JARID2: variants seen among roughly 807,000 people sequenced by gnomAD.
The protein encoded by JARID2 is protein Jumonji.
In JARID2, 21 loss-of-function variants were observed where a neutral mutation model predicts 125.6. The observed-to-expected ratio is 0.17, with a 90% CI of 0.12 to 0.24. The LOEUF (loss-of-function observed/expected upper bound fraction) is 0.24. JARID2 is among the 10% of genes least tolerant of loss of function. The pLI, the probability that JARID2 is intolerant of heterozygous loss-of-function variation, is 1.00. For synonymous variants in JARID2, 736 were observed against 661.6 expected, an observed-to-expected ratio of 1.11 and a Z score of -1.73; for missense variants, 1,303 against 1,639.6, an observed-to-expected ratio of 0.79 and a Z score of 3.55.
At chr6:15,449,950 G>A (rs1767845025) in intron 3 of JARID2, among the ~76,000 whole-genome samples, 1 of 152,080 alleles carries the variant, frequency 6.6e-6, no homozygotes, top group South Asian at 2.1e-4. Context: ...GGAGTGTGGA[G>A]GATTTATGAG....
intron 12 of JARID2, chr6:15,509,140 G>A (rs751926983): frequency 3.9e-5 from 50 of 1,287,572 alleles, no homozygotes; most frequent in Non-Finnish European, 4.3e-5. Flanking sequence ...AGCCATCCCT[G>A]ATTGAGGCTG....
At chr6:15,397,639 G>A (rs1765267425) in intron 2 of JARID2, among the ~76,000 whole-genome samples, 1 of 152,168 alleles carries the variant, frequency 6.6e-6, no homozygotes, top group Admixed American at 6.5e-5. Context: ...TCTCTCTTGT[G>A]ACATGTTATA....
At chr6:15,442,577 G>C (rs1251173722) in intron 3 of JARID2, among the ~76,000 whole-genome samples, 2 of 152,196 alleles carry the variant, frequency 1.3e-5, no homozygotes, top group Non-Finnish European at 2.9e-5. Context: ...CTTCCCTCCT[G>C]GGCTTGGAGT....
chr6:15,486,824 T>TTTTTTTTTA (rs1769890864), intron 5 of JARID2, among the ~76,000 whole-genome samples: 1 of 148,178 alleles, frequency 6.7e-6, no homozygotes, highest in African/African-American at 2.5e-5. Context: ...TTTTTTTTTT[T>TTTTTTTTTA]GAGACAGAGT....
chr6:15,364,393 T>G (rs190231172), intron 1 of JARID2, among the ~76,000 whole-genome samples: 4 of 152,308 alleles, frequency 2.6e-5, no homozygotes, highest in Admixed American at 2.6e-4. Flanking sequence ...GGCTTTATTT[T>G]GTAGTGATTT....
At chr6:15,280,640 T>C (rs2127374520) in intron 1 of JARID2, among the ~76,000 whole-genome samples, 1 of 151,852 alleles carries the variant, frequency 6.6e-6, no homozygotes, top group African/African-American at 2.4e-5. Context: ...TTTTTTTTTT[T>C]TTTTTTGAGA....
At chr6:15,264,487 C>T (rs1228952364) in intron 1 of JARID2, among the ~76,000 whole-genome samples, 1 of 152,064 alleles carries the variant, frequency 6.6e-6, no homozygotes, top group African/African-American at 2.4e-5. Context: ...CTCCTGTGCT[C>T]AGGTCATTAG....
chr6:15,374,368 A>G, intron 2 of JARID2, 116 bp downstream of exon 2: 1 of 1,053,592 alleles, frequency 9.5e-7, no homozygotes, highest in Non-Finnish European at 1.4e-6. Context: ...ACCTAAAGGC[A>G]GTCTGTAGGC....
chr6:15,401,987 C>G (rs1290270498), intron 2 of JARID2, among the ~76,000 whole-genome samples: 1 of 141,238 alleles, frequency 7.1e-6, no homozygotes, highest in Non-Finnish European at 1.5e-5. Flanking sequence ...CAGTTGATTT[C>G]TTGATATGTG....
At chr6:15,353,191 A>G (rs925773636) in intron 1 of JARID2, among the ~76,000 whole-genome samples, 2 of 152,210 alleles carry the variant, frequency 1.3e-5, no homozygotes, top group African/African-American at 2.4e-5. Flanking sequence ...GTTTCTCTGC[A>G]TCCTTTCCAA....
intron 2 of JARID2, among the ~76,000 whole-genome samples, chr6:15,380,875 G>A (rs1489212284): frequency 1.3e-5 from 2 of 152,066 alleles, no homozygotes; most frequent in Non-Finnish European, 2.9e-5. Context: ...TCTGATTTAC[G>A]TAAGTTTATT....
At chr6:15,378,072 A>G (rs1471137684) in intron 2 of JARID2, among the ~76,000 whole-genome samples, 2 of 151,238 alleles carry the variant, frequency 1.3e-5, no homozygotes, top group Non-Finnish European at 2.9e-5. Flanking sequence ...TATTTTTAGT[A>G]GAGGCGGGGT....
intron 3 of JARID2, among the ~76,000 whole-genome samples, chr6:15,418,770 T>C (rs1206139476): frequency 3.3e-5 from 5 of 152,186 alleles, no homozygotes; most frequent in African/African-American, 1.2e-4. Context: ...ATTTCATAAC[T>C]CAGTGTACTC....
intron 3 of JARID2, among the ~76,000 whole-genome samples, chr6:15,433,809 A>G (rs371563235): frequency 6.6e-6 from 1 of 152,082 alleles, no homozygotes; most frequent in Non-Finnish European, 1.5e-5. Flanking sequence ...TTCTCTTATA[A>G]TTAGCATTAA....
Position 15,517,065 on chromosome 6 carries a change from T to C in JARID2, c.3451-96T>C, listed in dbSNP as rs533237054. The C allele has an allele frequency of 9.7e-6, 8 of 826,916 alleles. No homozygotes were observed. The East Asian group carries it at 1.7e-4, about 18-fold the overall frequency. The allele number at this position is 826,916 out of a possible 1,614,324, so 51.2% of individuals were successfully genotyped here. Reference sequence around the variant, plus strand: ...GGGCTACTCTGGCGCGGGCAGTGGGTGTGGTGGCTGCCCGGCCGGGCGTGC... The same window carrying C: ...GGGCTACTCTGGCGCGGGCAGTGGGCGTGGTGGCTGCCCGGCCGGGCGTGC... On this transcript the variant is annotated intron_variant, in intron 16 of 17. Coordinates refer to ENST00000341776, the MANE Select transcript of JARID2 (RefSeq NM_004973.4).
intron 3 of JARID2, among the ~76,000 whole-genome samples, chr6:15,417,534 T>C (rs576165430): frequency 2.0e-5 from 3 of 152,210 alleles, no homozygotes; most frequent in African/African-American, 7.2e-5. Flanking sequence ...ATCCAGGAGT[T>C]GGAGAGACCT....
At chr6:15,327,705 G>C (rs1047179014) in intron 1 of JARID2, among the ~76,000 whole-genome samples, 1 of 152,176 alleles carries the variant, frequency 6.6e-6, no homozygotes, top group Admixed American at 6.5e-5. Flanking sequence ...GGGTAAAACA[G>C]CAGAACTATA....
intron 17 of JARID2, among the ~76,000 whole-genome samples, chr6:15,518,163 G>T (rs893877171): frequency 6.6e-6 from 1 of 152,246 alleles, no homozygotes; most frequent in Non-Finnish European, 1.5e-5. Context: ...AGGCACAGTT[G>T]CAAATAACGA....
chr6:15,251,232 T>C (rs143982878), intron 1 of JARID2, among the ~76,000 whole-genome samples: 2,124 of 152,298 alleles, frequency 0.014, 24 homozygotes, highest in Non-Finnish European at 0.021. Context: ...GCCTAGCTGG[T>C]CTTGAACTCC....
Sources: gnomAD v4.1 joint callset for allele counts (sites outside exome capture counted in the v4.1 genomes callset) on GRCh38, gnomAD v4.1.1 for gene constraint, MANE v1.5 for transcripts, NCBI Gene and HGNC (gene_info 2026-07-23, HGNC 2026-07-21) for gene names.